The following DERA variants were observed in gnomAD, a reference collection of about 807,000 sequenced individuals.
DERA encodes the protein deoxyribose-phosphate aldolase.
Under a neutral mutation model 41.1 loss-of-function variants are expected in DERA, and 15 were observed. That is an observed-to-expected ratio of 0.37 (90% CI 0.24 to 0.56). The LOEUF (loss-of-function observed/expected upper bound fraction) is 0.56, where lower values mean the gene tolerates loss of function less well. Among genes scored for constraint, DERA ranks in the 20% least tolerant of loss-of-function variants. The pLI, the probability that DERA is intolerant of heterozygous loss-of-function variation, is 0.81. For synonymous variants in DERA, 139 were observed against 137.4 expected (o/e 1.01, Z -0.08); for missense variants, 396 against 403.4 (o/e 0.98, Z 0.16).
chr12:16,015,491 G>A (rs1440436019), intron 6 of DERA, among the ~76,000 whole-genome samples: 1 of 152,120 alleles, frequency 6.6e-6, no homozygotes, highest in Admixed American at 6.5e-5. Flanking sequence ...TTCATCTTCT[G>A]TCATGATTGC....
At position 15,913,007 on chromosome 12, in the gene DERA, T is replaced by TA. The variant is rs1313439438; in HGVS notation, c.31+1594dup. ...TTGGAATATCCTTGAAGGTGGTGGA[T>TA]ATGGGGCAGGTTTGGGGTGGTGTCT... is the stretch of plus-strand genomic sequence containing the variant. On this transcript the variant is annotated intron_variant, in intron 1 of 8. Transcript: ENST00000428559. This position sits in a 1 kb window ranked among gnomAD's most constrained non-coding sequence, Gnocchi z 4.5. Among the ~76,000 whole-genome samples, 1 of 152,214 alleles carries TA rather than the reference T, an allele frequency of 6.6e-6. No homozygotes were observed. Among genetic ancestry groups the TA allele is most frequent in the Admixed American group, 6.5e-5 (1 of 15,276 alleles).
intron 1 of DERA, 75 bp from the exon 2 acceptor site, chr12:15,956,861 A>C: frequency 9.6e-7 from 1 of 1,046,784 alleles, no homozygotes. Flanking sequence ...GTATCCTTTC[A>C]AGGACCATGT....
At position 15,918,302 on chromosome 12, in the gene DERA, C is replaced by T. The variant is rs577252463; in HGVS notation, c.31+6888C>T. ...CTCTGTGCCCGGCCGCCTCGCCTCCCTCTGCAGGTGGATACCCTCCTTACC... is the reference window on the plus strand; with the variant it reads ...CTCTGTGCCCGGCCGCCTCGCCTCCTTCTGCAGGTGGATACCCTCCTTACC... On this transcript the variant is annotated intron_variant, in intron 1 of 8. Coordinates refer to ENST00000428559, the MANE Select transcript of DERA (RefSeq NM_015954.4). The surrounding 1 kb of genome is among the most constrained non-coding windows in gnomAD (Gnocchi z 4.3). Among the ~76,000 whole-genome samples, 37 of 152,308 alleles carry T rather than the reference C, an allele frequency of 2.4e-4. No individual in the cohort carries two copies. The highest frequency in any genetic ancestry group is 5.3e-4 in the Non-Finnish European group (36 of 68,032).
chr12:15,993,278 G>A lies in DERA; in HGVS notation c.637+10842G>A, dbSNP rs1948814025. On this transcript the variant is annotated intron_variant, in intron 6 of 8. Transcript: ENST00000428559. This position sits in a 1 kb window ranked among gnomAD's most constrained non-coding sequence, Gnocchi z 4.4. ...CACTAAAAAAATGTGGTGATTAATA[G>A]GAAATTAGTATCTAAGATTTTAAAA... 6.6e-6 allele frequency among the ~76,000 whole-genome samples: 1 copy of A among 151,974 alleles called. No individual in the cohort carries two copies. Among genetic ancestry groups the A allele is most frequent in the Admixed American group, 6.5e-5 (1 of 15,274 alleles).
chr12:15,933,705 G>T (rs988244346), intron 1 of DERA, among the ~76,000 whole-genome samples: 2 of 152,052 alleles, frequency 1.3e-5, no homozygotes, highest in African/African-American at 4.8e-5. Context: ...TCCCAAATTG[G>T]TCTTCATTTT....
At chr12:15,974,366 A>C (rs1948683784) in intron 5 of DERA, among the ~76,000 whole-genome samples, 1 of 152,188 alleles carries the variant, frequency 6.6e-6, no homozygotes, top group Non-Finnish European at 1.5e-5. Flanking sequence ...ACCTAAGAAT[A>C]CTAAGAACAG....
rs1051498480 is a variant in DERA, at chr12:15,921,750, T to C, written c.31+10336T>C. On this transcript the variant is annotated intron_variant, in intron 1 of 8. Transcript: ENST00000428559. This position sits in a 1 kb window ranked among gnomAD's most constrained non-coding sequence, Gnocchi z 5.3. Reference sequence around the variant, plus strand: ...CAGCCTGGTCAACATGGTGAAACTTTGTTTCTGCTAGAAATACATAAAAAA... The same window carrying C: ...CAGCCTGGTCAACATGGTGAAACTTCGTTTCTGCTAGAAATACATAAAAAA... Among the ~76,000 whole-genome samples, 3 of 151,952 alleles carry C rather than the reference T, an allele frequency of 2.0e-5. No individual in the cohort carries two copies. The highest frequency in any genetic ancestry group is 2.9e-5 in the Non-Finnish European group (2 of 67,980).
At position 15,924,282 on chromosome 12, in the gene DERA, T is replaced by TGTG. The variant is rs1948266173; in HGVS notation, c.31+12874_31+12876dup. On this transcript the variant is annotated intron_variant, in intron 1 of 8. Coordinates refer to ENST00000428559, the MANE Select transcript of DERA (RefSeq NM_015954.4). This position sits in a 1 kb window ranked among gnomAD's most constrained non-coding sequence, Gnocchi z 5.0. ...ACAAAAAGTTTCAAAATTAGCTGGG[T>TGTG]GTGGTGGTATGCCGCTATGGTCACA... 6.6e-6 allele frequency among the ~76,000 whole-genome samples: 1 copy of TGTG among 152,048 alleles called. No individual in the cohort carries two copies. Among genetic ancestry groups the TGTG allele is most frequent in the South Asian group, 2.1e-4 (1 of 4,816 alleles).
At chr12:15,986,476 C>T (rs1948765021) in intron 6 of DERA, among the ~76,000 whole-genome samples, 1 of 152,158 alleles carries the variant, frequency 6.6e-6, no homozygotes, top group Admixed American at 6.5e-5. Context: ...TTTTTATCTA[C>T]AGACTCTTTG....
At chr12:15,986,465 C>T (rs972298759) in intron 6 of DERA, among the ~76,000 whole-genome samples, 3 of 152,090 alleles carry the variant, frequency 2.0e-5, no homozygotes, top group African/African-American at 2.4e-5. Flanking sequence ...CTTCTGTTGG[C>T]TTTTTATCTA....
chr12:15,960,970 T>C (rs1948583471), intron 4 of DERA, among the ~76,000 whole-genome samples: 1 of 151,764 alleles, frequency 6.6e-6, no homozygotes, highest in Non-Finnish European at 1.5e-5. Context: ...GAGAGGGAGA[T>C]CAGGGCAGAA....
intron 5 of DERA, among the ~76,000 whole-genome samples, chr12:15,975,039 G>A (rs1377639089): frequency 6.6e-6 from 1 of 152,194 alleles, no homozygotes; most frequent in Non-Finnish European, 1.5e-5. Context: ...GCCATTGGGA[G>A]TGTAACCGCT....
rs746891360 is a variant in DERA, at chr12:15,967,855, C to G, written c.508+4908C>G. Reference sequence around the variant, plus strand: ...TATAGGGTGTGGCATGTATTGTAGGCTCTCAAAATTACAATACCTGACAAA... The same window carrying G: ...TATAGGGTGTGGCATGTATTGTAGGGTCTCAAAATTACAATACCTGACAAA... On this transcript the variant is annotated intron_variant, in intron 5 of 8. Coordinates refer to ENST00000428559, the MANE Select transcript of DERA (RefSeq NM_015954.4). This position sits in a 1 kb window ranked among gnomAD's most constrained non-coding sequence, Gnocchi z 4.9. Among the ~76,000 whole-genome samples, 2 of 152,184 alleles carry G rather than the reference C, an allele frequency of 1.3e-5. No individual in the cohort carries two copies. The highest frequency in any genetic ancestry group is 2.9e-5 in the Non-Finnish European group (2 of 68,046).
rs1345729302 is a variant in DERA at position 15,996,056 on chromosome 12, G to C, written c.637+13620G>C. ...AGCCTGATGGAGCTACACTAAGACA[G>C]ACTCAGCAAACATTAGAGATGCCTT... is the stretch of plus-strand genomic sequence containing the variant. On this transcript the variant is annotated intron_variant, in intron 6 of 8. Coordinates refer to ENST00000428559, the MANE Select transcript of DERA (RefSeq NM_015954.4). The surrounding 1 kb of genome is among the most constrained non-coding windows in gnomAD (Gnocchi z 4.7). 6.6e-6 allele frequency among the ~76,000 whole-genome samples: 1 copy of C among 152,096 alleles called. No homozygotes were observed. Among genetic ancestry groups the C allele is most frequent in the Non-Finnish European group, 1.5e-5 (1 of 68,018 alleles).
Position 15,923,374 on chromosome 12 carries a change from G to A in DERA, c.31+11960G>A, listed in dbSNP as rs1393015237. 2.6e-5 allele frequency among the ~76,000 whole-genome samples: 4 copies of A among 152,166 alleles called. No individual in the cohort carries two copies. The East Asian group carries it at 5.8e-4, about 22-fold the overall frequency. On this transcript the variant is annotated intron_variant, in intron 1 of 8. Transcript: ENST00000428559. The stretch of plus-strand genomic sequence containing the variant: ...GATTTCTGAAAACCCTTCTGGTTCT[G>A]AACTTCATTGAGTCTTCTGATCATT...
chr12:15,918,773 G>A lies in DERA; in HGVS notation c.31+7359G>A, dbSNP rs1427232868. Among the ~76,000 whole-genome samples the A allele has an allele frequency of 2.6e-5, 4 of 152,130 alleles. No homozygotes were observed. Among genetic ancestry groups the A allele is most frequent in the Admixed American group, 2.0e-4 (3 of 15,276 alleles). On this transcript the variant is annotated intron_variant, in intron 1 of 8. Transcript: ENST00000428559. This position sits in a 1 kb window ranked among gnomAD's most constrained non-coding sequence, Gnocchi z 4.3. ...GCATGTTAAAACTGACAACAGGAAC[G>A]TGGTGGGATTGGAAGGATAAAGACG...
At chr12:15,932,834 CA>C (rs1479134635) in intron 1 of DERA, among the ~76,000 whole-genome samples, 2 of 151,984 alleles carry the variant, frequency 1.3e-5, no homozygotes, top group Non-Finnish European at 2.9e-5. Context: ...ACCCTTTGAC[CA>C]ACATCTCCCC....
Position 15,936,886 on chromosome 12 carries a change from T to TTGTCTTGTCTTGTCC in DERA, c.32-20046_32-20045insTTGTCTTGTCCTGTC, listed in dbSNP as rs1351383547. Among the ~76,000 whole-genome samples, 349 of 136,892 alleles carry TTGTCTTGTCTTGTCC rather than the reference T, an allele frequency of 2.5e-3. 1 individual carries two copies. Among genetic ancestry groups the TTGTCTTGTCTTGTCC allele is most frequent in the Non-Finnish European group, 3.9e-3 (260 of 65,948 alleles). 89.8% of individuals were successfully genotyped at this position (136,892 alleles called of 152,430 possible). A position where few individuals can be genotyped will look rare whatever the true frequency, so the allele number is the denominator to read the frequency against. On this transcript the variant is annotated intron_variant, in intron 1 of 8. Coordinates refer to ENST00000428559, the MANE Select transcript of DERA (RefSeq NM_015954.4). The surrounding 1 kb of genome is among the most constrained non-coding windows in gnomAD (Gnocchi z 4.6). ...TTGTCTTGTCTTGTCTTGTCTTGTCTTGTCCTGTCCTGTCCTGTCCTGTCC... is the reference window on the plus strand; with the variant it reads ...TTGTCTTGTCTTGTCTTGTCTTGTCTTGTCTTGTCTTGTCCTGTCCTGTCCTGTCCTGTCCTGTCC...
Position 15,943,528 on chromosome 12 carries a change from T to C in DERA, c.32-13408T>C, listed in dbSNP as rs930639278. On this transcript the variant is annotated intron_variant, in intron 1 of 8. Transcript: ENST00000428559. The surrounding 1 kb of genome is among the most constrained non-coding windows in gnomAD (Gnocchi z 4.5). Reference sequence around the variant, plus strand: ...CTGAAAAAAGTTCTCCTTAAGGACCTTTTAAACCCTGTTGGCCATGGCTCA... The same window carrying C: ...CTGAAAAAAGTTCTCCTTAAGGACCCTTTAAACCCTGTTGGCCATGGCTCA... Among the ~76,000 whole-genome samples the C allele has an allele frequency of 6.6e-6, 1 of 152,150 alleles. No homozygotes were observed. The highest frequency in any genetic ancestry group is 1.5e-5 in the Non-Finnish European group (1 of 68,038).
Sources: gnomAD v4.1 joint callset for allele counts (sites outside exome capture counted in the v4.1 genomes callset) on GRCh38, gnomAD v4.1.1 for gene constraint, Gnocchi (gnomAD v3.1) non-coding constraint, MANE v1.5 for transcripts, NCBI Gene and HGNC (gene_info 2026-07-23, HGNC 2026-07-21) for gene names.